Variants in KANSL3 observed in about 807,000 individuals in gnomAD.
The protein encoded by KANSL3 is NSL complex protein NSL3.
Under a neutral mutation model 89.2 loss-of-function variants are expected in KANSL3, and 16 were observed. The ratio of observed to expected loss-of-function variants is 0.18; its 90% CI spans 0.12 to 0.27. The LOEUF is 0.27. Ranked by LOEUF, KANSL3 falls within the 10% of genes least tolerant of loss-of-function variation. The pLI is 1.00. For synonymous variants in KANSL3, 385 were observed against 419.7 expected, an observed-to-expected ratio of 0.92 and a Z score of 1.01; for missense variants, 879 against 1,110.6, an observed-to-expected ratio of 0.79 and a Z score of 2.96.
At chr2:96,584,965 C>T in the KANSL3 span, among the ~76,000 whole-genome samples, 7 of 152,306 alleles carry the variant, frequency 4.6e-5, no homozygotes, top group African/African-American at 1.7e-4. Context: ...CTTCTTGAAG[C>T]GAAGATTCAT....
intron 20 of KANSL3, among the ~76,000 whole-genome samples, chr2:96,597,829 T>C (rs1489795368): frequency 2.0e-5 from 3 of 152,128 alleles, no homozygotes; most frequent in Non-Finnish European, 4.4e-5. Context: ...TTTCGATCTC[T>C]TGACCTCGTG....
Position 96,593,755 on chromosome 2 carries a change from A to G in KANSL3, c.*1856T>C, listed in dbSNP as rs1303716815. The G allele has an allele frequency of 2.9e-5, 5 of 171,328 alleles. No homozygotes were observed. In the East Asian group the frequency reaches 7.7e-4, roughly 26 times the overall value. 10.6% of individuals were successfully genotyped at this position (171,328 alleles called of 1,614,324 possible). ...GTTGTTTAGGGCTCTGTCTGTCCTA[A>G]ATGATTCCTAAAAGCTTCATATAGC... On this transcript the variant is annotated 3_prime_UTR_variant, in exon 21 of 21. Coordinates refer to ENST00000431828, the MANE Select transcript of KANSL3 (RefSeq NM_001115016.3).
chr2:96,600,707 G>A, intron 20 of KANSL3: 1 of 985,430 alleles, frequency 1.0e-6, no homozygotes, highest in Non-Finnish European at 1.2e-6. Flanking sequence ...TGGCTCCTCA[G>A]ATTACCATTT....
chr2:96,621,403 A>G (rs980801082), intron 3 of KANSL3, among the ~76,000 whole-genome samples: 7 of 151,600 alleles, frequency 4.6e-5, no homozygotes, highest in Non-Finnish European at 1.0e-4. Context: ...AGTCCCAGCT[A>G]CTCCGGAGGC....
intron 20 of KANSL3, chr2:96,598,129 C>T (rs988209219): frequency 1.0e-5 from 10 of 985,282 alleles, no homozygotes; most frequent in Non-Finnish European, 1.2e-5. Flanking sequence ...TTCTAGTTGT[C>T]CATCAACATG....
chr2:96,598,828 T>A (rs1490239904), intron 20 of KANSL3, among the ~76,000 whole-genome samples: 1 of 146,142 alleles, frequency 6.8e-6, no homozygotes, highest in Non-Finnish European at 1.5e-5. Context: ...GAGAATAGCT[T>A]GAACTTGGCA....
chr2:96,628,963 G>C (rs936183772), intron 3 of KANSL3, among the ~76,000 whole-genome samples: 3 of 152,100 alleles, frequency 2.0e-5, no homozygotes, highest in African/African-American at 7.2e-5. Flanking sequence ...CTGGGTTCTG[G>C]AGTCAGGCTG....
rs773876401 is a variant in KANSL3, at chr2:96,619,371, C to T, written c.651G>A (p.Thr217=). The T allele has an allele frequency of 1.1e-5, 17 of 1,611,480 alleles. No homozygotes were observed. The East Asian group carries it at 1.3e-4, about 13-fold the overall frequency. The change falls in exon 5 of 21, where the codon ACG becomes ACA. Residue 217 remains threonine, a synonymous_variant. Transcript: ENST00000431828. ...MLAAYLDALQ[T]LKGKIPTLID... ...ATCACAGCCTTACCTTCCCCTTCAG[C>T]GTCTGCAAAGCATCCAGGTAGGCTG...
At chr2:96,595,889 G>A (rs1054979379) in intron 20 of KANSL3, among the ~76,000 whole-genome samples, 1 of 152,160 alleles carries the variant, frequency 6.6e-6, no homozygotes, top group Non-Finnish European at 1.5e-5. Context: ...TTCCTCGCCT[G>A]TAAGAGGTAG....
At chr2:96,584,241 C>G in the KANSL3 span, among the ~76,000 whole-genome samples, 1 of 152,222 alleles carries the variant, frequency 6.6e-6, no homozygotes, top group East Asian at 1.9e-4. Flanking sequence ...GCCTTGAATT[C>G]CTGGGCTCAA....
At chr2:96,588,307 C>T (rs2066254621), downstream of KANSL3, among the ~76,000 whole-genome samples, 1 of 152,154 alleles carries the variant, frequency 6.6e-6, no homozygotes, top group South Asian at 2.1e-4. Flanking sequence ...CTGAATATCT[C>T]ATCAGAAAAC....
At chr2:96,620,398 T>C (rs1397017493) in intron 3 of KANSL3, among the ~76,000 whole-genome samples, 1 of 152,212 alleles carries the variant, frequency 6.6e-6, no homozygotes. Context: ...GCCTGCTCCA[T>C]ATAAGCTAAT....
intron 10 of KANSL3, 83 bp downstream of exon 10, chr2:96,610,981 G>T: frequency 6.4e-7 from 1 of 1,574,684 alleles, no homozygotes; most frequent in Non-Finnish European, 8.7e-7. Context: ...ACTGCAGTCA[G>T]CCTCAGCATC....
At chr2:96,598,632 G>A (rs920257657) in intron 20 of KANSL3, among the ~76,000 whole-genome samples, 2 of 152,084 alleles carry the variant, frequency 1.3e-5, no homozygotes, top group African/African-American at 2.4e-5. Context: ...AACGTTGGCC[G>A]GACATGATGG....
At chr2:96,608,484 G>A in intron 14 of KANSL3, 24 bp downstream of exon 14, 3 of 1,612,856 alleles carry the variant, frequency 1.9e-6, no homozygotes, top group South Asian at 1.1e-5. Flanking sequence ...GACCCAAGAG[G>A]AGCCACTGGC....
rs563351225 is a variant in KANSL3 at position 96,617,788 on chromosome 2, G to C, written c.663+1571C>G. 2.7e-4 allele frequency among the ~76,000 whole-genome samples: 41 copies of C among 152,030 alleles called. No homozygotes were observed. The Middle Eastern group carries it at 0.014, about 50-fold the overall frequency. Reference sequence around the variant, plus strand: ...CGAGGCGGGCGGATCACGAGGTCAGGAGATCGAGACATGGTGAAACCCTAT... The same window carrying C: ...CGAGGCGGGCGGATCACGAGGTCAGCAGATCGAGACATGGTGAAACCCTAT... On this transcript the variant is annotated intron_variant, in intron 5 of 20. Transcript: ENST00000431828.
At chr2:96,618,355 A>AATT (rs1275065672) in intron 5 of KANSL3, among the ~76,000 whole-genome samples, 1 of 152,014 alleles carries the variant, frequency 6.6e-6, no homozygotes, top group African/African-American at 2.4e-5. Context: ...ATGCCTGGCT[A>AATT]ATTATTTTAT....
intron 3 of KANSL3, 45 bp from the exon 4 acceptor site, chr2:96,619,807 C>CG: frequency 1.4e-6 from 2 of 1,411,146 alleles, no homozygotes; most frequent in East Asian, 2.5e-5. Context: ...CCTGGGGACG[C>CG]TCCCCATGTA....
At chr2:96,602,064 G>C in intron 19 of KANSL3, 52 bp downstream of exon 19, 1 of 1,498,774 alleles carries the variant, frequency 6.7e-7, no homozygotes, top group Non-Finnish European at 9.0e-7. Context: ...GGAAGGTCCT[G>C]GGGGAAAGAT....
Sources: allele counts gnomAD v4.1 joint callset (sites outside exome capture counted in the v4.1 genomes callset), GRCh38; gene constraint gnomAD v4.1.1; transcripts MANE v1.5; gene names NCBI Gene and HGNC (gene_info 2026-07-23, HGNC 2026-07-21).